ADGRL3: variants seen among roughly 807,000 people sequenced by gnomAD.
The protein encoded by ADGRL3 is adhesion G protein-coupled receptor L3, also known as calcium-independent alpha-latrotoxin receptor 3.
In ADGRL3, 62 loss-of-function variants were observed where a neutral mutation model predicts 153.5. The ratio of observed to expected loss-of-function variants is 0.40; its 90% CI spans 0.33 to 0.50. The LOEUF is 0.50. ADGRL3 is among the 20% of genes least tolerant of loss of function. The pLI is 0.47. For missense variants in ADGRL3, 1,641 were observed against 1,859.4 expected, an observed-to-expected ratio of 0.88 and a Z score of 2.16; for synonymous variants, 710 against 672.5, an observed-to-expected ratio of 1.06 and a Z score of -0.86.
intron 5 of ADGRL3, among the ~76,000 whole-genome samples, chr4:61,673,745 T>C (rs2095086390): frequency 6.6e-6 from 1 of 151,250 alleles, no homozygotes; most frequent in South Asian, 2.1e-4. Context: ...TATATAAAAA[T>C]AGTATTCCAG....
rs561918961 is a variant in ADGRL3, at chr4:61,601,241, C to T, written c.473+13801C>T. Among the ~76,000 whole-genome samples, 3 of 152,242 alleles carry T rather than the reference C, an allele frequency of 2.0e-5. No individual in the cohort carries two copies. The South Asian group carries it at 6.2e-4, about 32-fold the overall frequency. On this transcript the variant is annotated intron_variant, in intron 5 of 26. Transcript: ENST00000683033. Reference sequence around the variant, plus strand: ...TTGTAGGCGAATTTCAATAAAGATACTTTGTTTCCTTTCAAATCACACAGG... The same window carrying T: ...TTGTAGGCGAATTTCAATAAAGATATTTTGTTTCCTTTCAAATCACACAGG...
chr4:61,914,260 G>C (rs1427740078), intron 13 of ADGRL3, among the ~76,000 whole-genome samples: 1 of 152,046 alleles, frequency 6.6e-6, no homozygotes, highest in Non-Finnish European at 1.5e-5. Flanking sequence ...TTGGCCAAAC[G>C]TGTCTATTAC....
intron 8 of ADGRL3, among the ~76,000 whole-genome samples, chr4:61,763,952 A>G (rs1216922643): frequency 6.6e-6 from 1 of 152,224 alleles, no homozygotes; most frequent in East Asian, 1.9e-4. Flanking sequence ...CATAATGCTA[A>G]TAACTCAGAA....
chr4:61,252,730 G>A (rs1428715225), intron 1 of ADGRL3, among the ~76,000 whole-genome samples: 1 of 149,238 alleles, frequency 6.7e-6, no homozygotes, highest in Non-Finnish European at 1.5e-5. Context: ...GATTCAAAAT[G>A]TGACATTTTG....
chr4:61,680,419 T>C (rs1420206051), intron 6 of ADGRL3, among the ~76,000 whole-genome samples: 4 of 59,104 alleles, frequency 6.8e-5, no homozygotes, highest in Non-Finnish European at 2.3e-4. Flanking sequence ...TGTGTGTGTG[T>C]GTGTGTGTGT....
chr4:61,231,678 G>T (rs1750714859), intron 1 of ADGRL3, among the ~76,000 whole-genome samples: 1 of 152,004 alleles, frequency 6.6e-6, no homozygotes, highest in Non-Finnish European at 1.5e-5. Flanking sequence ...AGGGCTTTTT[G>T]TAACGGTCTA....
At chr4:61,616,548 AAAAAC>A (rs1266561197) in intron 5 of ADGRL3, among the ~76,000 whole-genome samples, 1 of 152,172 alleles carries the variant, frequency 6.6e-6, no homozygotes, top group Non-Finnish European at 1.5e-5. Flanking sequence ...TTGAAGATTA[AAAAAC>A]AAAACAAAAC....
chr4:61,546,989 T>A (rs966170424), intron 4 of ADGRL3, among the ~76,000 whole-genome samples: 42 of 152,196 alleles, frequency 2.8e-4, no homozygotes, highest in African/African-American at 9.9e-4. Context: ...ACAACCATAG[T>A]TTGATAACAG....
At chr4:61,869,278 T>C (rs982984417) in intron 9 of ADGRL3, among the ~76,000 whole-genome samples, 1 of 152,082 alleles carries the variant, frequency 6.6e-6, no homozygotes, top group Admixed American at 6.5e-5. Flanking sequence ...ATTTACCAAG[T>C]TCCTATTATG....
At chr4:61,953,878 C>A (rs144306899) in intron 17 of ADGRL3, among the ~76,000 whole-genome samples, 347 of 152,278 alleles carry the variant, frequency 2.3e-3, no homozygotes, top group Admixed American at 0.021. Context: ...GCCTTGGGTA[C>A]ACTACTCCTT....
At chr4:61,445,861 C>T (rs1221487835) in intron 2 of ADGRL3, among the ~76,000 whole-genome samples, 5 of 152,144 alleles carry the variant, frequency 3.3e-5, no homozygotes, top group South Asian at 4.1e-4. Flanking sequence ...CTAGTGACAT[C>T]GTGATGTCAT....
intron 11 of ADGRL3, among the ~76,000 whole-genome samples, chr4:61,903,595 G>C (rs573094853): frequency 6.8e-4 from 93 of 136,542 alleles, no homozygotes; most frequent in Admixed American, 1.8e-3. Flanking sequence ...GAGGCCAGGA[G>C]TTCAAGGCTG....
At chr4:61,994,162 G>A (rs1478485048) in intron 19 of ADGRL3, among the ~76,000 whole-genome samples, 2 of 151,992 alleles carry the variant, frequency 1.3e-5, no homozygotes, top group South Asian at 2.1e-4. Flanking sequence ...TTTTGTTTTT[G>A]TTTGAGACAA....
chr4:61,757,483 T>C (rs1470620860), intron 8 of ADGRL3, among the ~76,000 whole-genome samples: 1 of 152,226 alleles, frequency 6.6e-6, no homozygotes, highest in Non-Finnish European at 1.5e-5. Flanking sequence ...TTATCATTTT[T>C]TTATTGCATC....
chr4:61,714,462 A>G (rs2096067939), intron 6 of ADGRL3, among the ~76,000 whole-genome samples: 1 of 152,068 alleles, frequency 6.6e-6, no homozygotes, highest in African/African-American at 2.4e-5. Context: ...GCCAAACTGA[A>G]ATGAACTATT....
At position 61,909,761 on chromosome 4, in the gene ADGRL3, A is replaced by ATGTGTGTGTG. The variant is rs58884223; in HGVS notation, c.2073+48_2073+57dup. 2,120 of 1,195,366 alleles carry ATGTGTGTGTG rather than the reference A, an allele frequency of 1.8e-3. 15 individuals are homozygous for ATGTGTGTGTG. Among genetic ancestry groups the ATGTGTGTGTG allele is most frequent in the East Asian group, 9.7e-3 (338 of 34,730 alleles). 74.0% of individuals were successfully genotyped at this position (1,195,366 alleles called of 1,614,324 possible). On this transcript the variant is annotated intron_variant, in intron 12 of 26. Transcript: ENST00000683033. ...TTTGAACAAGGTAAGGACCCTAATT[A>ATGTGTGTGTG]TGTGTGTGTGTGTGTGTGTGTGTGT...
At chr4:61,416,384 T>G (rs1478630095) in intron 2 of ADGRL3, among the ~76,000 whole-genome samples, 3 of 152,162 alleles carry the variant, frequency 2.0e-5, no homozygotes, top group Non-Finnish European at 1.5e-5. Flanking sequence ...CTGACATATT[T>G]TTCTTTTTAA....
chr4:61,321,825 T>C (rs1472538754), intron 1 of ADGRL3, among the ~76,000 whole-genome samples: 1 of 152,170 alleles, frequency 6.6e-6, no homozygotes, highest in Non-Finnish European at 1.5e-5. Context: ...ATTGACTGTA[T>C]TTTAATCACA....
At chr4:61,718,938 C>T (rs1336776951) in intron 6 of ADGRL3, among the ~76,000 whole-genome samples, 1 of 152,162 alleles carries the variant, frequency 6.6e-6, no homozygotes. Flanking sequence ...ACAAACAAGA[C>T]ATGCATTTAG....
Sources: gnomAD v4.1 joint callset for allele counts (sites outside exome capture counted in the v4.1 genomes callset) on GRCh38, gnomAD v4.1.1 for gene constraint, MANE v1.5 for transcripts, NCBI Gene and HGNC (gene_info 2026-07-23, HGNC 2026-07-21) for gene names.